Variants in HAVCR1 observed in about 807,000 individuals in gnomAD.
The protein encoded by HAVCR1 is hepatitis A virus cellular receptor 1, also known as T cell immunoglobin domain and mucin domain protein 1.
In HAVCR1, 34 loss-of-function variants were observed where a neutral mutation model predicts 32.0. That is an observed-to-expected ratio of 1.06 (90% CI 0.81 to 1.42). The LOEUF (loss-of-function observed/expected upper bound fraction) is 1.42, where lower values mean the gene tolerates loss of function less well. HAVCR1 is among the 40% of genes most tolerant of loss of function. HAVCR1 has a pLI of 0.00. For synonymous variants in HAVCR1, 178 were observed against 170.3 expected (o/e 1.05, Z -0.35); for missense variants, 420 against 442.3 (o/e 0.95, Z 0.45).
intron 2 of HAVCR1, 80 bp downstream of exon 2, chr5:157,057,818 C>T (rs1308546492): frequency 1.1e-5 from 11 of 1,008,458 alleles, no homozygotes; most frequent in East Asian, 2.4e-5. Context: ...CCACCATCCC[C>T]TCCCCTTCCC....
intron 5 of HAVCR1, among the ~76,000 whole-genome samples, chr5:157,047,193 T>C (rs1430804290): frequency 6.6e-6 from 1 of 152,146 alleles, no homozygotes; most frequent in African/African-American, 2.4e-5. Flanking sequence ...CATAAGACAC[T>C]TCCCAGAGAG....
intron 6 of HAVCR1, among the ~76,000 whole-genome samples, chr5:157,037,964 G>A (rs374892947): frequency 2.6e-5 from 4 of 151,904 alleles, no homozygotes; most frequent in African/African-American, 7.2e-5. Flanking sequence ...CCAAGATTTC[G>A]CCATTGCACT....
rs201598799 is a variant in HAVCR1, at chr5:157,052,471, G to C, written c.563C>G (p.Thr188Arg). 1 of 1,602,978 alleles carries C rather than the reference G, an allele frequency of 6.2e-7. No homozygotes were observed. Among genetic ancestry groups the C allele is most frequent in the Admixed American group, 1.7e-5 (1 of 58,908 alleles). ...AATGCTCGTTGTCGTTGGAACGCTC[G>C]TTGTCGTTGAAACAGTCATTGTCGT... is the stretch of plus-strand genomic sequence containing the variant. ...VLTTMTVSTT[T>R]SVPTTTSIPT... The change falls in exon 4 of 9, where the codon ACG (threonine) becomes AGG (arginine). Residue 188 changes from threonine (T) to arginine (R), a missense_variant. Transcript: ENST00000523175.
intron 5 of HAVCR1, among the ~76,000 whole-genome samples, chr5:157,044,615 G>GAAAGAAAGAGAAAGAAAGAA (rs760337335): frequency 6.3e-4 from 33 of 52,694 alleles, no homozygotes; most frequent in Non-Finnish European, 7.4e-4. Context: ...AAGAAAGAAA[G>GAAAGAAAGAGAAAGAAAGAA]AGAAAGAAAG....
intron 8 of HAVCR1, among the ~76,000 whole-genome samples, chr5:157,030,108 G>A (rs377231041): frequency 5.9e-5 from 9 of 152,160 alleles, no homozygotes; most frequent in Admixed American, 3.9e-4. Flanking sequence ...TTTGAAACTC[G>A]CATAATAGAA....
rs1561590476 is a variant in HAVCR1 at position 157,044,473 on chromosome 5, AAGGAAGGAAGGAAGGAAGGAAGG to A, written c.782-1814_782-1792del. 7.6e-3 allele frequency among the ~76,000 whole-genome samples: 349 copies of A among 45,890 alleles called. 19 individuals carry two copies. The highest frequency in any genetic ancestry group is 0.014 in the Middle Eastern group (1 of 70). The allele number at this position is 45,890 out of a possible 152,430, so 30.1% of individuals were successfully genotyped here. ...AAAGAAAGAAAGAAAGAAAGAAAGG[AAGGAAGGAAGGAAGGAAGGAAGG>A]AAGGAAGGAAGGAGGAAGGAAGGAA... On this transcript the variant is annotated intron_variant, in intron 5 of 8. Coordinates refer to ENST00000523175, the MANE Select transcript of HAVCR1 (RefSeq NM_001173393.3).
At chr5:157,047,508 T>C (rs11134521) in intron 5 of HAVCR1, among the ~76,000 whole-genome samples, 77,803 of 151,384 alleles carry the variant, frequency 0.51, 20,399 homozygotes, top group Middle Eastern at 0.66. Flanking sequence ...CAAGATCATG[T>C]CACTGCCCTC....
chr5:157,047,515 C>T (rs1755475767), intron 5 of HAVCR1, among the ~76,000 whole-genome samples: 2 of 151,654 alleles, frequency 1.3e-5, no homozygotes. Flanking sequence ...ATGTCACTGC[C>T]CTCTAGCCTG....
At chr5:157,044,368 CGAAGGAAGGAAG>C (rs573183336) in intron 5 of HAVCR1, among the ~76,000 whole-genome samples, 43 of 31,334 alleles carry the variant, frequency 1.4e-3, no homozygotes, top group African/African-American at 4.6e-3. Flanking sequence ...AAAGAAAGGA[CGAAGGAAGGAAG>C]GAAGGAAGGA....
chr5:157,029,842 C>T lies in HAVCR1; in HGVS notation c.987-1G>A. 6.2e-7 allele frequency: 1 copy of T among 1,611,146 alleles called. No individual in the cohort carries two copies. Among genetic ancestry groups the T allele is most frequent in the South Asian group, 1.1e-5 (1 of 90,978 alleles). ...AATTTGAAGGCTGCTAAATGAAACA[C>T]TGTAGAAAGAGTTGTTGAAGAATAA... On this transcript the variant is annotated splice_acceptor_variant, in intron 8 of 8. Transcript: ENST00000523175. LOFTEE classifies it high-confidence loss of function.
intron 5 of HAVCR1, among the ~76,000 whole-genome samples, chr5:157,044,306 T>C (rs550242248): frequency 1.6e-4 from 24 of 145,482 alleles, no homozygotes; most frequent in African/African-American, 5.9e-4. Flanking sequence ...CACTCCAGCC[T>C]GGGCAACAGA....
intron 1 of HAVCR1, chr5:157,058,233 C>T (rs1392280645): frequency 2.8e-6 from 1 of 360,954 alleles, no homozygotes; most frequent in East Asian, 5.3e-5. Context: ...GCCAAACTGA[C>T]TCCTGGTCCT....
chr5:157,049,032 A>C lies in HAVCR1; in HGVS notation c.781+6T>G, dbSNP rs757195095. The stretch of plus-strand genomic sequence containing the variant: ...CCCAGGTCTTCAGGAAAGAGAACGC[A>C]GTTACCTGTTGTGTAAGAGTACAAT... On this transcript the variant is annotated splice_donor_region_variant and intron_variant, in intron 5 of 8. Transcript: ENST00000523175. 2.0e-6 allele frequency: 3 copies of C among 1,485,996 alleles called. No homozygotes were observed. The highest frequency in any genetic ancestry group is 1.7e-4 in the Middle Eastern group (1 of 5,828). 92.1% of individuals were successfully genotyped at this position (1,485,996 alleles called of 1,614,324 possible).
the HAVCR1 span, among the ~76,000 whole-genome samples, chr5:157,067,669 C>G: frequency 1.1e-4 from 16 of 151,514 alleles, no homozygotes; most frequent in Admixed American, 9.9e-4. Context: ...CCCTTTCTCT[C>G]TCTCTCTCTT....
At chr5:157,058,623 G>T (rs901740793) in intron 1 of HAVCR1, 1 of 152,246 alleles carries the variant, frequency 6.6e-6, no homozygotes, top group East Asian at 1.9e-4. Context: ...AACCAGCGTG[G>T]CTCAATGGCA....
chr5:157,044,097 T>C (rs1372180450), intron 5 of HAVCR1, among the ~76,000 whole-genome samples: 1 of 151,992 alleles, frequency 6.6e-6, no homozygotes, highest in Non-Finnish European at 1.5e-5. Context: ...TTAGGGAGGC[T>C]GAGGCAGGCA....
chr5:157,042,738 G>T, intron 5 of HAVCR1, 56 bp from the exon 6 acceptor site: 1 of 1,021,800 alleles, frequency 9.8e-7, no homozygotes, highest in Non-Finnish European at 1.5e-6. Context: ...AATTTTCACT[G>T]CAGACACTAA....
chr5:157,067,071 A>C, the HAVCR1 span, among the ~76,000 whole-genome samples: 8 of 152,296 alleles, frequency 5.3e-5, 1 homozygote, highest in East Asian at 1.4e-3. Context: ...ATTTGAAGAG[A>C]GCTTTAGGAG....
At chr5:157,033,453 T>G (rs573080645) in intron 7 of HAVCR1, among the ~76,000 whole-genome samples, 1 of 152,046 alleles carries the variant, frequency 6.6e-6, no homozygotes, top group South Asian at 2.1e-4. Context: ...GAGGAGCATA[T>G]TTAGGAAAGG....
Sources: gnomAD v4.1 joint callset for allele counts (sites outside exome capture counted in the v4.1 genomes callset) on GRCh38, gnomAD v4.1.1 for gene constraint, MANE v1.5 for transcripts, NCBI Gene and HGNC (gene_info 2026-07-23, HGNC 2026-07-21) for gene names.